PLOD3: variants seen among roughly 807,000 people sequenced by gnomAD.
PLOD3 encodes the protein procollagen-lysine,2-oxoglutarate 5-dioxygenase 3.
In PLOD3, 73 loss-of-function variants were observed where a neutral mutation model predicts 96.9. The observed-to-expected ratio is 0.75, with a 90% CI of 0.62 to 0.92. The LOEUF (loss-of-function observed/expected upper bound fraction) is 0.92. Among genes scored for constraint, PLOD3 ranks in the 40% least tolerant of loss-of-function variants. PLOD3 has a pLI of 0.00. For missense variants in PLOD3, 1,004 were observed against 1,004.3 expected (o/e 1.00, Z 0.00); for synonymous variants, 454 against 413.7 (o/e 1.10, Z -1.18).
At chr7:101,217,092 C>T in intron 1 of PLOD3, 74 bp downstream of exon 1, 2 of 1,415,318 alleles carry the variant, frequency 1.4e-6, no homozygotes, top group East Asian at 2.5e-5. Context: ...GAGCCTCCGA[C>T]CCTCTCCGGG....
chr7:101,215,809 T>C, intron 5 of PLOD3, 99 bp downstream of exon 5: 2 of 842,914 alleles, frequency 2.4e-6, no homozygotes, highest in Non-Finnish European at 4.0e-6. Flanking sequence ...GGCACACATT[T>C]TTCTCTTTGC....
At chr7:101,209,656 T>C (rs1477083536) in intron 15 of PLOD3, among the ~76,000 whole-genome samples, 2 of 151,486 alleles carry the variant, frequency 1.3e-5, no homozygotes, top group East Asian at 3.9e-4. Flanking sequence ...CCTCTCAATG[T>C]ACTGGGATTA....
intron 2 of PLOD3, 33 bp downstream of exon 2, chr7:101,216,662 G>A (rs1798280975): frequency 6.2e-7 from 1 of 1,606,572 alleles, no homozygotes; most frequent in Non-Finnish European, 8.5e-7. Flanking sequence ...CTCCTGCTGG[G>A]ACCCCCTCCC....
chr7:101,208,344 C>A (rs533069679), intron 16 of PLOD3, among the ~76,000 whole-genome samples: 65 of 152,140 alleles, frequency 4.3e-4, no homozygotes, highest in African/African-American at 1.5e-3. Flanking sequence ...CTCCCGGGTT[C>A]AAGCAATTCT....
intron 1 of PLOD3, 85 bp downstream of exon 1, chr7:101,217,081 C>A (rs1798289604): frequency 7.3e-7 from 1 of 1,376,984 alleles, no homozygotes; most frequent in Non-Finnish European, 9.6e-7. Flanking sequence ...GACACCTCCT[C>A]GAGCCTCCGA....
intron 5 of PLOD3, 32 bp downstream of exon 5, chr7:101,215,876 G>T (rs1048779512): frequency 1.2e-5 from 17 of 1,440,366 alleles, no homozygotes; most frequent in Non-Finnish European, 1.7e-5. Context: ...CCACAGAGCT[G>T]CGGGATGCGC....
intron 17 of PLOD3, among the ~76,000 whole-genome samples, 179 bp downstream of exon 17, chr7:101,207,399 T>C (rs75993027): frequency 0.013 from 1,990 of 152,156 alleles, 37 homozygotes; most frequent in East Asian, 0.086. Flanking sequence ...AGCCTCACCT[T>C]GGGTCTCAGC....
At position 101,210,606 on chromosome 7, in the gene PLOD3, G is replaced by A. The variant is rs1166279286; in HGVS notation, c.1426C>T (p.Leu476=). 6.2e-7 allele frequency: 1 copy of A among 1,614,164 alleles called. No homozygotes were observed. Among genetic ancestry groups the A allele is most frequent in the South Asian group, 1.1e-5 (1 of 91,086 alleles). The change falls in exon 13 of 19, where the codon CTG becomes TTG. Residue 476 remains leucine, a synonymous_variant. Coordinates refer to ENST00000223127, the MANE Select transcript of PLOD3 (RefSeq NM_001084.5). ...VIRGDTLRME[L]PQRDVFSGSD... is the part of the protein sequence containing the mutation. The stretch of plus-strand genomic sequence containing the variant: ...CCCGAGAACACATCCCTCTGGGGCA[G>A]CTCCATCCGCAGGGTATCACCCCGG...
chr7:101,217,519 G>A lies in PLOD3; in HGVS notation c.-245C>T. The A allele has an allele frequency of 1.4e-5, 7 of 484,678 alleles. No homozygotes were observed. Among genetic ancestry groups the A allele is most frequent in the Non-Finnish European group, 2.2e-5 (6 of 278,000 alleles). The allele number at this position is 484,678 out of a possible 1,614,324, so 30.0% of individuals were successfully genotyped here. A position where few individuals can be genotyped will look rare whatever the true frequency, so the allele number is the denominator to read the frequency against. ...GGCGCACGGGAGGCGGGGGAGGGGCGGCGGCTCGGGCCGGCGGGCGGGAGA... is the reference window on the plus strand; with the variant it reads ...GGCGCACGGGAGGCGGGGGAGGGGCAGCGGCTCGGGCCGGCGGGCGGGAGA... On this transcript the variant is annotated 5_prime_UTR_variant, in exon 1 of 19. Coordinates refer to ENST00000223127, the MANE Select transcript of PLOD3 (RefSeq NM_001084.5).
intron 11 of PLOD3, 38 bp from the exon 12 acceptor site, chr7:101,211,754 G>T: frequency 6.3e-7 from 1 of 1,595,794 alleles, no homozygotes. Flanking sequence ...GCAGACGGGA[G>T]CAGGCCTGGG....
rs768346078 is a variant in PLOD3, at chr7:101,206,249, T to G, written c.*32A>C. On this transcript the variant is annotated 3_prime_UTR_variant, in exon 19 of 19. Transcript: ENST00000223127. ...GGCCAGGCCCCCTAAAAAGGCACAA[T>G]GGCAGGGCAGGTTTGGCAGAGTGGT... 11 of 1,612,560 alleles carry G rather than the reference T, an allele frequency of 6.8e-6. No individual in the cohort carries two copies. The highest frequency in any genetic ancestry group is 9.3e-6 in the Non-Finnish European group (11 of 1,179,058).
rs148004175 is a variant in PLOD3, at chr7:101,206,037, C to T, written c.*244G>A. 3.7e-4 allele frequency: 223 copies of T among 596,198 alleles called. 1 individual carries two copies. The highest frequency in any genetic ancestry group is 2.6e-3 in the African/African-American group (138 of 53,890). The allele number at this position is 596,198 out of a possible 1,614,324, so 36.9% of individuals were successfully genotyped here. ...ACTGCGGAACATTAATAATTTATCA[C>T]GCGGGGAGTCCCCAGAAGCCCTGTG... On this transcript the variant is annotated 3_prime_UTR_variant, in exon 19 of 19. Coordinates refer to ENST00000223127, the MANE Select transcript of PLOD3 (RefSeq NM_001084.5).
chr7:101,216,350 G>A (rs757847964), intron 3 of PLOD3, 24 bp from the exon 4 acceptor site: 1 of 1,613,484 alleles, frequency 6.2e-7, no homozygotes, highest in Admixed American at 1.7e-5. Flanking sequence ...GGGAGGATGG[G>A]CAGGGGTCCA....
rs189462270 is a variant in PLOD3, at chr7:101,208,997, G to T, written c.1684-40C>A. The T allele has an allele frequency of 5.1e-5, 71 of 1,389,636 alleles. No individual in the cohort carries two copies. In the African/African-American group the frequency reaches 9.6e-4, roughly 19 times the overall value. The allele number at this position is 1,389,636 out of a possible 1,614,324, so 86.1% of individuals were successfully genotyped here. On this transcript the variant is annotated intron_variant, in intron 15 of 18. Coordinates refer to ENST00000223127, the MANE Select transcript of PLOD3 (RefSeq NM_001084.5). ...AGGGAGAACAGGGCTAGCTGACGCC[G>T]CAGAACGGGGAAGGGGACAGGCAGC...
In PLOD3 at chr7:101,211,965, C is replaced by T. The variant is rs373299491; in HGVS notation, c.1128-15G>A. The T allele has an allele frequency of 8.3e-6, 13 of 1,559,852 alleles. No individual in the cohort carries two copies. The highest frequency in any genetic ancestry group is 2.3e-5 in the East Asian group (1 of 43,580). ...GACACAGGTCCCTGGAGGTGAGAGG[C>T]GAGCTGAGACGGCGGCAGGTGGGGA... On this transcript the variant is annotated splice_polypyrimidine_tract_variant and intron_variant, in intron 10 of 18. Coordinates refer to ENST00000223127, the MANE Select transcript of PLOD3 (RefSeq NM_001084.5).
chr7:101,208,970 C>T lies in PLOD3; in HGVS notation c.1684-13G>A, dbSNP rs185427705. 931 of 1,583,684 alleles carry T rather than the reference C, an allele frequency of 5.9e-4. 4 individuals carry two copies. In the East Asian group the frequency reaches 0.014, roughly 23 times the overall value. On this transcript the variant is annotated splice_polypyrimidine_tract_variant and intron_variant, in intron 15 of 18. Transcript: ENST00000223127. ...CGTCCGGGCATGGCTGAGGATGGGG[C>T]GAGGGAGAACAGGGCTAGCTGACGC...
chr7:101,208,632 C>T (rs75500635), intron 16 of PLOD3: 6,166 of 537,930 alleles, frequency 0.011, 128 homozygotes, highest in East Asian at 0.077. Context: ...GAGCAATCCT[C>T]CCGCCTCAGC....
In PLOD3 at chr7:101,211,765, G is replaced by C; in HGVS notation, c.1233-49C>G. 2.5e-6 allele frequency: 4 copies of C among 1,591,880 alleles called. No homozygotes were observed. The East Asian group carries it at 6.8e-5, about 27-fold the overall frequency. On this transcript the variant is annotated intron_variant, in intron 11 of 18. Coordinates refer to ENST00000223127, the MANE Select transcript of PLOD3 (RefSeq NM_001084.5). ...CTGGGCAGACGGGAGCAGGCCTGGG[G>C]AGCCCGGTGCCCAGGGCAGGAGTGG...
At chr7:101,211,509 C>T (rs1419282315) in intron 12 of PLOD3, 82 bp downstream of exon 12, 1 of 1,462,022 alleles carries the variant, frequency 6.8e-7, no homozygotes, top group South Asian at 1.2e-5. Flanking sequence ...GTGACCACTC[C>T]AAACCCCTGA....
Sources: allele counts gnomAD v4.1 joint callset (sites outside exome capture counted in the v4.1 genomes callset), GRCh38; gene constraint gnomAD v4.1.1; transcripts MANE v1.5; gene names NCBI Gene and HGNC (gene_info 2026-07-23, HGNC 2026-07-21).